Variants in EYS observed in about 807,000 individuals in gnomAD.
The protein encoded by EYS is EGF-like photoreceptor maintenance factor.
EYS carries 250 observed loss-of-function variants against 282.1 expected under a neutral mutation model. The observed-to-expected ratio is 0.89, with a 90% CI of 0.80 to 0.98. The LOEUF (loss-of-function observed/expected upper bound fraction) is 0.98. EYS is among the 50% of genes least tolerant of loss of function. EYS has a pLI of 0.00. For synonymous variants in EYS, 1,355 were observed against 1,282.9 expected (o/e 1.06, Z -1.20); for missense variants, 4,016 against 3,709.0 (o/e 1.08, Z -2.15).
chr6:65,075,547 G>A (rs893172275), intron 12 of EYS, among the ~76,000 whole-genome samples: 6 of 151,840 alleles, frequency 4.0e-5, no homozygotes, highest in East Asian at 1.9e-4. Context: ...GAGGAAGTTC[G>A]GGTTAAAGTT....
intron 12 of EYS, among the ~76,000 whole-genome samples, chr6:65,186,740 G>C (rs550809824): frequency 6.6e-6 from 1 of 151,716 alleles, no homozygotes; most frequent in East Asian, 2.0e-4. Flanking sequence ...TCGCCTCTTA[G>C]GTTAAGGTGG....
At chr6:64,649,631 C>T (rs142428225) in intron 22 of EYS, among the ~76,000 whole-genome samples, 138 of 152,266 alleles carry the variant, frequency 9.1e-4, no homozygotes, top group Middle Eastern at 3.4e-3. Flanking sequence ...AGCCACCACG[C>T]CCAGCCAACT....
In EYS at chr6:64,686,917, A is replaced by T. The variant is rs1770166476; in HGVS notation, c.3444-60672T>A. Among the ~76,000 whole-genome samples, 3 of 143,214 alleles carry T rather than the reference A, an allele frequency of 2.1e-5. 1 individual carries two copies. In the South Asian group the frequency reaches 6.6e-4, roughly 32 times the overall value. 94.0% of individuals were successfully genotyped at this position (143,214 alleles called of 152,430 possible). A position where few individuals can be genotyped will look rare whatever the true frequency, so the allele number is the denominator to read the frequency against. ...TATATATGTGTATATATATACACAC[A>T]TATATATACGTATATATATACACAT... On this transcript the variant is annotated intron_variant, in intron 22 of 42. Transcript: ENST00000503581.
chr6:63,904,325 C>T (rs905097317), intron 35 of EYS, among the ~76,000 whole-genome samples: 7 of 152,144 alleles, frequency 4.6e-5, no homozygotes, highest in Admixed American at 3.9e-4. Context: ...CTTTGACTTA[C>T]CCAACCTTTT....
intron 19 of EYS, among the ~76,000 whole-genome samples, chr6:64,870,428 A>C (rs1400433871): frequency 8.3e-5 from 8 of 95,966 alleles, no homozygotes; most frequent in African/African-American, 1.3e-4. Context: ...TCCCCCCTCC[A>C]AAAAAAAAAA....
intron 5 of EYS, among the ~76,000 whole-genome samples, chr6:65,442,106 A>G (rs1768351243): frequency 6.6e-6 from 1 of 151,992 alleles, no homozygotes; most frequent in Non-Finnish European, 1.5e-5. Flanking sequence ...TTGCTTTTAG[A>G]CCATTGAATT....
At chr6:65,143,197 CTT>C (rs1764391559) in intron 12 of EYS, among the ~76,000 whole-genome samples, 1 of 151,870 alleles carries the variant, frequency 6.6e-6, no homozygotes, top group Non-Finnish European at 1.5e-5. Flanking sequence ...GGGAGTAAAA[CTT>C]TATGACTTAT....
intron 22 of EYS, among the ~76,000 whole-genome samples, chr6:64,718,522 T>G (rs750363170): frequency 6.6e-6 from 1 of 152,236 alleles, no homozygotes; most frequent in East Asian, 1.9e-4. Context: ...TTTATCATTT[T>G]TTCAAATGTG....
chr6:65,665,618 CT>C (rs1412813096), intron 1 of EYS, among the ~76,000 whole-genome samples: 2 of 152,038 alleles, frequency 1.3e-5, no homozygotes, highest in South Asian at 2.1e-4. Context: ...AATATGCAGT[CT>C]CCTAATACAT....
rs556532935 is a variant in EYS, at chr6:65,407,291, T to C, written c.863-1924A>G. Among the ~76,000 whole-genome samples, 8 of 152,312 alleles carry C rather than the reference T, an allele frequency of 5.3e-5. No individual in the cohort carries two copies. The South Asian group carries it at 1.0e-3, about 20-fold the overall frequency. ...ATTTTTTTCAGTCATAGTCTCGCTG[T>C]GTTGCCCAGGCTGGAGTGCAGTGGC... is the stretch of plus-strand genomic sequence containing the variant. On this transcript the variant is annotated intron_variant, in intron 5 of 42. Transcript: ENST00000503581.
chr6:65,162,397 C>T (rs1327281752), intron 12 of EYS, among the ~76,000 whole-genome samples: 2 of 151,230 alleles, frequency 1.3e-5, no homozygotes, highest in Admixed American at 1.3e-4. Flanking sequence ...CACTACCTGA[C>T]AATGAGCAGT....
At chr6:64,001,651 T>G (rs919038109) in intron 33 of EYS, among the ~76,000 whole-genome samples, 2 of 152,232 alleles carry the variant, frequency 1.3e-5, no homozygotes, top group Non-Finnish European at 2.9e-5. Context: ...GTTCATTGCT[T>G]AATTAATTAA....
intron 13 of EYS, among the ~76,000 whole-genome samples, chr6:65,025,799 G>A (rs951136943): frequency 2.0e-5 from 3 of 152,188 alleles, no homozygotes; most frequent in Admixed American, 6.5e-5. Flanking sequence ...ATGTCTGTCA[G>A]TGAGAGAAAT....
At chr6:63,905,029 C>G (rs1773741105) in intron 35 of EYS, among the ~76,000 whole-genome samples, 1 of 152,208 alleles carries the variant, frequency 6.6e-6, no homozygotes, top group Admixed American at 6.5e-5. Flanking sequence ...AAAGGAAACA[C>G]CATGCCCATT....
intron 10 of EYS, among the ~76,000 whole-genome samples, chr6:65,337,021 C>T (rs1161948475): frequency 6.6e-6 from 1 of 151,278 alleles, no homozygotes; most frequent in East Asian, 1.9e-4. Context: ...GGTTTTGGTT[C>T]ATAGCCAACA....
chr6:65,031,049 G>A (rs548828061), intron 13 of EYS, among the ~76,000 whole-genome samples: 56 of 151,226 alleles, frequency 3.7e-4, no homozygotes, highest in African/African-American at 1.3e-3. Flanking sequence ...TAAAAGAAGG[G>A]CATTACACAT....
At chr6:65,079,790 A>T (rs184404814) in intron 12 of EYS, among the ~76,000 whole-genome samples, 1 of 152,092 alleles carries the variant, frequency 6.6e-6, no homozygotes, top group African/African-American at 2.4e-5. Flanking sequence ...CTTCATACAC[A>T]TCTGCTTCCC....
At position 64,307,015 on chromosome 6, in the gene EYS, A is replaced by G; in HGVS notation, c.6146T>C (p.Phe2049Ser). The change falls in exon 30 of 43, where the codon TTC (phenylalanine) becomes TCC (serine). Residue 2049 changes from phenylalanine (F) to serine (S), a missense_variant. Phe to Ser is a radical substitution (Grantham distance 155, BLOSUM62 -2). Transcript: ENST00000503581. The stretch of plus-strand genomic sequence containing the variant: ...GTTTTTCACTGCCTTGGATGGAATG[A>G]AAGATCTCCAGTTATTTATTTCTAT... ...EVIEINNWRS[F>S]IPSKAVKNYH... 6.5e-7 allele frequency: 1 copy of G among 1,546,260 alleles called. No individual in the cohort carries two copies. The highest frequency in any genetic ancestry group is 8.7e-7 in the Non-Finnish European group (1 of 1,142,936).
At position 64,218,224 on chromosome 6, in the gene EYS, G is replaced by C. The variant is rs116570621; in HGVS notation, c.6424+12368C>G. ...TCAATACTGCCAGGTGAATTTATTT[G>C]CTTCAGCCATGCCTGAAGACAGGCC... On this transcript the variant is annotated intron_variant, in intron 31 of 42. Coordinates refer to ENST00000503581, the MANE Select transcript of EYS (RefSeq NM_001142800.2). Among the ~76,000 whole-genome samples the C allele has an allele frequency of 5.4e-3, 824 of 152,218 alleles. 5 individuals are homozygous for C. Among genetic ancestry groups the C allele is most frequent in the African/African-American group, 0.018 (734 of 41,540 alleles).
Sources: allele counts gnomAD v4.1 joint callset (sites outside exome capture counted in the v4.1 genomes callset), GRCh38; gene constraint gnomAD v4.1.1; transcripts MANE v1.5; gene names NCBI Gene and HGNC (gene_info 2026-07-23, HGNC 2026-07-21).